Variants in CNTNAP3 observed in about 807,000 individuals in gnomAD.
The protein encoded by CNTNAP3 is contactin-associated protein-like 3.
Under a neutral mutation model 92.1 loss-of-function variants are expected in CNTNAP3, and 36 were observed. That is an observed-to-expected ratio of 0.39 (90% CI 0.30 to 0.52). The LOEUF (loss-of-function observed/expected upper bound fraction) is 0.52, where lower values mean the gene tolerates loss of function less well. CNTNAP3 is among the 20% of genes least tolerant of loss of function. CNTNAP3 has a pLI of 0.76. For missense variants in CNTNAP3, 534 were observed against 1,069.6 expected (o/e 0.50, Z 6.98); for synonymous variants, 232 against 422.3 (o/e 0.55, Z 5.53).
chr9:39,132,834 G>A, intron 13 of CNTNAP3, 98 bp downstream of exon 13: 2 of 1,356,786 alleles, frequency 1.5e-6, no homozygotes, highest in South Asian at 2.9e-5. Context: ...AAGAGCCACG[G>A]GAGGGACCCT....
intron 11 of CNTNAP3, among the ~76,000 whole-genome samples, chr9:39,142,792 A>T (rs1159646593): frequency 6.6e-6 from 1 of 152,164 alleles, no homozygotes; most frequent in Admixed American, 6.5e-5. Context: ...TCTTTTGCCC[A>T]GATCCTTTAC....
At chr9:39,088,948 T>C (rs1360603258) in intron 18 of CNTNAP3, among the ~76,000 whole-genome samples, 1 of 152,274 alleles carries the variant, frequency 6.6e-6, no homozygotes, top group African/African-American at 2.4e-5. Flanking sequence ...AGTATAAATG[T>C]ATAATTTATA....
At chr9:39,076,980 C>G (rs1438669340) in intron 23 of CNTNAP3, among the ~76,000 whole-genome samples, 1 of 152,300 alleles carries the variant, frequency 6.6e-6, no homozygotes, top group Non-Finnish European at 1.5e-5. Flanking sequence ...TTCAATAATT[C>G]ACTCATTAAT....
chr9:39,152,554 G>A lies in CNTNAP3; in HGVS notation c.1478-2577C>T, dbSNP rs10441729. Among the ~76,000 whole-genome samples, 33 of 145,138 alleles carry A rather than the reference G, an allele frequency of 2.3e-4. 1 individual carries two copies. Among genetic ancestry groups the A allele is most frequent in the African/African-American group, 8.1e-4 (31 of 38,276 alleles). On this transcript the variant is annotated intron_variant, in intron 9 of 23. Coordinates refer to ENST00000297668, the MANE Select transcript of CNTNAP3 (RefSeq NM_033655.5). ...AACACATTAAGTTAAGAATTAAGAG[G>A]ATTATTAATTCAATAAATATTTTCC...
chr9:39,086,634 A>ATATT (rs371742242), intron 20 of CNTNAP3, 82 bp downstream of exon 20: 22,841 of 1,273,416 alleles, frequency 0.018, 2,858 homozygotes, highest in East Asian at 0.088. Context: ...TCTTCTATTA[A>ATATT]TATTATCAAA....
rs575773295 is a variant in CNTNAP3, at chr9:39,095,839, C to T, written c.2995+4072G>A. 1.2e-4 allele frequency among the ~76,000 whole-genome samples: 18 copies of T among 150,128 alleles called. 1 individual carries two copies. Among genetic ancestry groups the T allele is most frequent in the Non-Finnish European group, 2.4e-4 (16 of 67,420 alleles). On this transcript the variant is annotated intron_variant, in intron 18 of 23. Coordinates refer to ENST00000297668, the MANE Select transcript of CNTNAP3 (RefSeq NM_033655.5). Reference sequence around the variant, plus strand: ...ATTTAGAAAAGTTATTTCTACATAGCTCTATTTCTTCTGTTTTGGAACTAT... The same window carrying T: ...ATTTAGAAAAGTTATTTCTACATAGTTCTATTTCTTCTGTTTTGGAACTAT...
At position 39,068,689 on chromosome 9, in the gene CNTNAP3, C is replaced by T. The variant is rs1245934257; in HGVS notation, c.*5201G>A. Reference sequence around the variant, plus strand: ...TACTCTATCCTGCAATCTCTAGCCACCTTCGTGTACCTGAACTCTCAGCAA... The same window carrying T: ...TACTCTATCCTGCAATCTCTAGCCATCTTCGTGTACCTGAACTCTCAGCAA... On this transcript the variant is annotated 3_prime_UTR_variant, in exon 24 of 24. Coordinates refer to ENST00000297668, the MANE Select transcript of CNTNAP3 (RefSeq NM_033655.5). 1.3e-5 allele frequency among the ~76,000 whole-genome samples: 2 copies of T among 152,310 alleles called. No homozygotes were observed. The highest frequency in any genetic ancestry group is 4.8e-5 in the African/African-American group (2 of 41,486).
intron 19 of CNTNAP3, 139 bp downstream of exon 19, chr9:39,088,284 G>A: frequency 1.3e-6 from 1 of 776,674 alleles, no homozygotes; most frequent in East Asian, 2.7e-5. Context: ...ATTAAGGCAG[G>A]CACTGAAAAA....
At chr9:39,125,849 A>T (rs554181536) in intron 13 of CNTNAP3, among the ~76,000 whole-genome samples, 87 of 152,256 alleles carry the variant, frequency 5.7e-4, no homozygotes, top group African/African-American at 2.1e-3. Context: ...AACTGATAGA[A>T]CTGCAAGGAC....
intron 21 of CNTNAP3, among the ~76,000 whole-genome samples, chr9:39,083,894 T>C (rs1353429357): frequency 1.3e-5 from 2 of 151,850 alleles, no homozygotes; most frequent in Non-Finnish European, 2.9e-5. Context: ...GAATTGATCT[T>C]GTGATAATCA....
chr9:39,073,792 C>A lies in CNTNAP3; in HGVS notation c.*98G>T, dbSNP rs914064730. On this transcript the variant is annotated 3_prime_UTR_variant, in exon 24 of 24. Coordinates refer to ENST00000297668, the MANE Select transcript of CNTNAP3 (RefSeq NM_033655.5). ...GCAACAGCAGGGAAGTCCACAGTCA[C>A]GATGATAGAGACAGCCACAGCTGCC... is the stretch of plus-strand genomic sequence containing the variant. The A allele has an allele frequency of 3.6e-5, 58 of 1,596,352 alleles. No homozygotes were observed. The highest frequency in any genetic ancestry group is 4.8e-5 in the Non-Finnish European group (57 of 1,179,750).
chr9:39,133,827 C>T (rs1216014368), intron 12 of CNTNAP3, among the ~76,000 whole-genome samples: 1 of 152,130 alleles, frequency 6.6e-6, no homozygotes, highest in Non-Finnish European at 1.5e-5. Context: ...ATCTTGAGTT[C>T]TTTAGTGTTC....
intron 18 of CNTNAP3, among the ~76,000 whole-genome samples, chr9:39,091,831 T>C (rs1347946761): frequency 1.3e-5 from 2 of 151,850 alleles, no homozygotes; most frequent in East Asian, 3.8e-4. Flanking sequence ...TGATAGTTGA[T>C]AGCATCAATT....
intron 13 of CNTNAP3, among the ~76,000 whole-genome samples, chr9:39,126,903 G>A (rs985695726): frequency 1.3e-5 from 2 of 151,948 alleles, no homozygotes; most frequent in African/African-American, 4.8e-5. Context: ...TCAAACAACA[G>A]GATCTCACTG....
intron 15 of CNTNAP3, among the ~76,000 whole-genome samples, chr9:39,108,647 G>A (rs1476732585): frequency 1.3e-5 from 2 of 152,166 alleles, no homozygotes; most frequent in Non-Finnish European, 2.9e-5. Flanking sequence ...AGAACCCTGG[G>A]CTTATAGTGC....
At position 39,137,773 on chromosome 9, in the gene CNTNAP3, C is replaced by T. The variant is rs867348388; in HGVS notation, c.1876+2746G>A. Among the ~76,000 whole-genome samples the T allele has an allele frequency of 2.6e-5, 4 of 152,294 alleles. No homozygotes were observed. The South Asian group carries it at 6.2e-4, about 24-fold the overall frequency. Reference sequence around the variant, plus strand: ...TCGTGATCCACCTGCCTCAGCCTCCCACAGTGCTGGGATTACAGGCGTGAG... The same window carrying T: ...TCGTGATCCACCTGCCTCAGCCTCCTACAGTGCTGGGATTACAGGCGTGAG... On this transcript the variant is annotated intron_variant, in intron 12 of 23. Coordinates refer to ENST00000297668, the MANE Select transcript of CNTNAP3 (RefSeq NM_033655.5).
Position 39,118,006 on chromosome 9 carries a change from T to C in CNTNAP3, c.2237+97A>G, listed in dbSNP as rs559566755. On this transcript the variant is annotated intron_variant, in intron 14 of 23. Coordinates refer to ENST00000297668, the MANE Select transcript of CNTNAP3 (RefSeq NM_033655.5). ...TTCAGCTTGCTTGAACATACTTTAG[T>C]TACCTTATTGTACCAGCTTGTCTGA... The C allele has an allele frequency of 6.5e-5, 103 of 1,590,850 alleles. No individual in the cohort carries two copies. The African/African-American group carries it at 1.2e-3, about 19-fold the overall frequency.
intron 23 of CNTNAP3, among the ~76,000 whole-genome samples, chr9:39,076,189 A>C (rs902885868): frequency 6.6e-6 from 1 of 152,312 alleles, no homozygotes; most frequent in Non-Finnish European, 1.5e-5. Flanking sequence ...AATTCCAAAG[A>C]TAAGAGCTGG....
In CNTNAP3 at chr9:39,069,176, G is replaced by A. The variant is rs1825582184; in HGVS notation, c.*4714C>T. On this transcript the variant is annotated 3_prime_UTR_variant, in exon 24 of 24. Coordinates refer to ENST00000297668, the MANE Select transcript of CNTNAP3 (RefSeq NM_033655.5). ...GGGAGCAAGGCAACCTGTAGAATTG[G>A]TCAGGAACTAGACATCTCAGGACCT... Among the ~76,000 whole-genome samples the A allele has an allele frequency of 6.6e-6, 1 of 152,232 alleles. No homozygotes were observed. Among genetic ancestry groups the A allele is most frequent in the Admixed American group, 6.5e-5 (1 of 15,282 alleles).
Sources: allele counts gnomAD v4.1 joint callset (sites outside exome capture counted in the v4.1 genomes callset), GRCh38; gene constraint gnomAD v4.1.1; transcripts MANE v1.5; gene names NCBI Gene and HGNC (gene_info 2026-07-23, HGNC 2026-07-21).